The following KSR2 variants were observed in gnomAD, a reference collection of about 807,000 sequenced individuals.
The protein encoded by KSR2 is kinase suppressor of ras 2.
KSR2 carries 25 observed loss-of-function variants against 107.8 expected under a neutral mutation model. The observed-to-expected ratio is 0.23, with a 90% CI of 0.17 to 0.32. The LOEUF is 0.32. Ranked by LOEUF, KSR2 falls within the 10% of genes least tolerant of loss-of-function variation. The pLI is 1.00. For missense variants in KSR2, 887 were observed against 1,268.9 expected (o/e 0.70, Z 4.57); for synonymous variants, 480 against 507.0 (o/e 0.95, Z 0.71).
chr12:117,953,747 C>T (rs1165420142), intron 1 of KSR2, among the ~76,000 whole-genome samples: 2 of 152,244 alleles, frequency 1.3e-5, no homozygotes, highest in East Asian at 1.9e-4. Flanking sequence ...GTAATGGTTA[C>T]ACAACATTAT....
At position 117,476,519 on chromosome 12, in the gene KSR2, C is replaced by T. The variant is rs368010274; in HGVS notation, c.2527G>A (p.Asp843Asn). 4.7e-5 allele frequency: 76 copies of T among 1,608,708 alleles called. No individual in the cohort carries two copies. The highest frequency in any genetic ancestry group is 8.4e-5 in the Admixed American group (5 of 59,318). The part of the protein sequence containing the change: ...APEIIRQLSP[D>N]TEEDKLPFSK... The stretch of plus-strand genomic sequence containing the variant: ...AAGGGGAGCTTATCCTCCTCTGTGT[C>T]GGGGGACAGCTGGCGGATGATCTCT... The change falls in exon 17 of 20, where the codon GAC becomes AAC. Residue 843 changes from aspartate to asparagine, a missense_variant. Coordinates refer to ENST00000339824, the MANE Select transcript of KSR2 (RefSeq NM_173598.6).
At chr12:117,841,908 A>G (rs1181906138) in intron 3 of KSR2, among the ~76,000 whole-genome samples, 2 of 152,264 alleles carry the variant, frequency 1.3e-5, no homozygotes, top group Non-Finnish European at 2.9e-5. Context: ...GACTTGGCCC[A>G]GTAAGAACTC....
At chr12:117,929,221 T>A (rs1895626320) in intron 1 of KSR2, among the ~76,000 whole-genome samples, 1 of 152,270 alleles carries the variant, frequency 6.6e-6, no homozygotes. Flanking sequence ...CATAGCAGCA[T>A]TGATATGGTT....
chr12:117,669,571 T>TG (rs1555226243), intron 4 of KSR2, among the ~76,000 whole-genome samples: 4 of 147,858 alleles, frequency 2.7e-5, no homozygotes, highest in Non-Finnish European at 6.0e-5. Context: ...TTGCTAAAAT[T>TG]AAAAAAAAAA....
intron 4 of KSR2, chr12:117,677,358 T>C (rs892891688): frequency 6.6e-6 from 1 of 151,992 alleles, no homozygotes; most frequent in African/African-American, 2.4e-5. Context: ...ATAGGATTGG[T>C]GTCTTTTTAA....
chr12:117,713,092 A>G (rs1197339375), intron 4 of KSR2, among the ~76,000 whole-genome samples: 2 of 149,948 alleles, frequency 1.3e-5, no homozygotes, highest in Non-Finnish European at 3.0e-5. Context: ...ATAGATATAG[A>G]TAGATATTTG....
At chr12:117,501,987 C>CT (rs1481764708) in intron 14 of KSR2, among the ~76,000 whole-genome samples, 3 of 152,238 alleles carry the variant, frequency 2.0e-5, no homozygotes, top group Admixed American at 2.0e-4. Context: ...GAATGTCTTT[C>CT]TTACAGACCA....
intron 6 of KSR2, 145 bp downstream of exon 6, chr12:117,582,145 A>G: frequency 1.6e-6 from 1 of 631,586 alleles, no homozygotes. Flanking sequence ...TTTAAAGTTT[A>G]GCCGAGCAGA....
At chr12:117,843,165 T>A (rs1892559933) in intron 3 of KSR2, among the ~76,000 whole-genome samples, 1 of 152,132 alleles carries the variant, frequency 6.6e-6, no homozygotes, top group African/African-American at 2.4e-5. Flanking sequence ...AGCATCCCCA[T>A]TTTACAGATG....
At chr12:117,714,379 T>C (rs1375802697) in intron 4 of KSR2, among the ~76,000 whole-genome samples, 1 of 152,078 alleles carries the variant, frequency 6.6e-6, no homozygotes, top group Non-Finnish European at 1.5e-5. Flanking sequence ...AGATTGCACC[T>C]GTTTGCCCCC....
Position 117,968,307 on chromosome 12 carries a change from A to G in KSR2, c.-52T>C, listed in dbSNP as rs7309205. On this transcript the variant is annotated 5_prime_UTR_variant, in exon 1 of 20. Coordinates refer to ENST00000339824, the MANE Select transcript of KSR2 (RefSeq NM_173598.6). ...CCTCCTCCTCCCAGAGAGAAAAAAG[A>G]GGGGGGGGAGTAGAGGTAGTCTACC... The G allele has an allele frequency of 0.96, 1,274,656 of 1,321,578 alleles. 614,300 individuals carry two copies. Among genetic ancestry groups the G allele is most frequent in the African/African-American group, 0.99 (64,466 of 64,856 alleles). The allele number at this position is 1,321,578 out of a possible 1,614,324, so 81.9% of individuals were successfully genotyped here.
intron 3 of KSR2, among the ~76,000 whole-genome samples, chr12:117,850,664 G>A (rs1024367638): frequency 1.3e-5 from 2 of 152,054 alleles, no homozygotes; most frequent in African/African-American, 4.8e-5. Context: ...AGAAAAGTTT[G>A]CCAGGCATGG....
chr12:117,636,274 T>C (rs1191648600), intron 5 of KSR2, among the ~76,000 whole-genome samples: 1 of 152,062 alleles, frequency 6.6e-6, no homozygotes, highest in Non-Finnish European at 1.5e-5. Flanking sequence ...ATGAAATATC[T>C]GCACTCCCGT....
In KSR2 at chr12:117,943,500, C is replaced by CAA. The variant is rs35125662; in HGVS notation, c.180+24574_180+24575dup. 8.5e-4 allele frequency among the ~76,000 whole-genome samples: 45 copies of CAA among 52,952 alleles called. 2 individuals carry two copies. The highest frequency in any genetic ancestry group is 4.2e-3 in the South Asian group (4 of 946). 34.7% of individuals were successfully genotyped at this position (52,952 alleles called of 152,430 possible). A position where few individuals can be genotyped will look rare whatever the true frequency, so the allele number is the denominator to read the frequency against. ...CCTTATGTGTCCTTATCCACCTAGC[C>CAA]AAAAAAAAAAAAAAAAAAAAAAAAA... is the stretch of plus-strand genomic sequence containing the variant. On this transcript the variant is annotated intron_variant, in intron 1 of 19. Coordinates refer to ENST00000339824, the MANE Select transcript of KSR2 (RefSeq NM_173598.6).
intron 5 of KSR2, among the ~76,000 whole-genome samples, chr12:117,586,629 A>AAAAGAAAG (rs71450224): frequency 0.12 from 17,167 of 138,258 alleles, 1,245 homozygotes; most frequent in East Asian, 0.25. Context: ...AAAAGAAAGA[A>AAAAGAAAG]AAAGAAAGAA....
intron 5 of KSR2, among the ~76,000 whole-genome samples, chr12:117,666,077 T>C (rs553323774): frequency 6.6e-6 from 1 of 152,214 alleles, no homozygotes; most frequent in Non-Finnish European, 1.5e-5. Context: ...TCGAGGGTAC[T>C]ATTTTAGTTT....
intron 4 of KSR2, among the ~76,000 whole-genome samples, chr12:117,752,213 G>T (rs1230892987): frequency 6.6e-6 from 1 of 152,196 alleles, no homozygotes; most frequent in African/African-American, 2.4e-5. Context: ...CTCTTATCCA[G>T]CCTGGTTCTC....
chr12:117,593,739 G>A (rs1880464094), intron 5 of KSR2, among the ~76,000 whole-genome samples: 1 of 152,246 alleles, frequency 6.6e-6, no homozygotes, highest in South Asian at 2.1e-4. Context: ...GGCAATAGTA[G>A]GTGTGCATTA....
At chr12:117,965,006 A>C (rs1021217850) in intron 1 of KSR2, among the ~76,000 whole-genome samples, 5 of 152,210 alleles carry the variant, frequency 3.3e-5, no homozygotes, top group African/African-American at 1.2e-4. Context: ...CAGGCAATGG[A>C]TCATGATCCA....
Sources: allele counts gnomAD v4.1 joint callset (sites outside exome capture counted in the v4.1 genomes callset), GRCh38; gene constraint gnomAD v4.1.1; transcripts MANE v1.5; gene names NCBI Gene and HGNC (gene_info 2026-07-23, HGNC 2026-07-21).